CHD1L: variants seen among roughly 807,000 people sequenced by gnomAD.
The protein encoded by CHD1L is ATP-dependent chromatin remodeler CHD1L.
CHD1L carries 118 observed loss-of-function variants against 115.9 expected under a neutral mutation model. That is an observed-to-expected ratio of 1.02 (90% CI 0.88 to 1.19). CHD1L has a LOEUF of 1.19. CHD1L is among the 50% of genes most tolerant of loss of function. CHD1L has a pLI of 0.00. For missense variants in CHD1L, 1,179 were observed against 1,065.3 expected (o/e 1.11, Z -1.49); for synonymous variants, 411 against 387.1 (o/e 1.06, Z -0.72).
At chr1:147,233,821 G>A in the CHD1L span, among the ~76,000 whole-genome samples, 2 of 151,786 alleles carry the variant, frequency 1.3e-5, no homozygotes, top group South Asian at 4.2e-4. Flanking sequence ...TCTGAAACAT[G>A]TGCTGTGTCC....
the CHD1L span, among the ~76,000 whole-genome samples, chr1:147,228,925 G>A: frequency 6.6e-5 from 10 of 152,212 alleles, no homozygotes; most frequent in East Asian, 1.9e-3. Context: ...TGTCAGATGA[G>A]TAGATTGCAA....
upstream of CHD1L, among the ~76,000 whole-genome samples, chr1:147,239,198 C>T (rs1334160882): frequency 2.6e-5 from 4 of 152,166 alleles, no homozygotes; most frequent in African/African-American, 9.7e-5. Flanking sequence ...GACCCCCCCT[C>T]CCCTTTCTAA....
chr1:147,240,636 C>T (rs896756454), upstream of CHD1L, among the ~76,000 whole-genome samples: 4 of 152,068 alleles, frequency 2.6e-5, no homozygotes, highest in South Asian at 2.1e-4. Context: ...GTGTAAAACC[C>T]GATTGTATAT....
chr1:147,213,291 C>G, the CHD1L span: 7 of 1,591,434 alleles, frequency 4.4e-6, no homozygotes, highest in Admixed American at 8.6e-5. Context: ...GGTCTTCCTT[C>G]CTGGTAAGCT....
chr1:147,244,272 A>T (rs1260424548), intron 1 of CHD1L, among the ~76,000 whole-genome samples: 1 of 152,212 alleles, frequency 6.6e-6, no homozygotes, highest in East Asian at 1.9e-4. Flanking sequence ...AGAGGTTGCA[A>T]GTTTGAGTGG....
chr1:147,283,242 T>C (rs186691433), intron 15 of CHD1L, among the ~76,000 whole-genome samples: 69 of 152,304 alleles, frequency 4.5e-4, no homozygotes, highest in Middle Eastern at 3.4e-3. Flanking sequence ...AATTAGCAAA[T>C]GCCAATTAGA....
chr1:147,229,395 T>C, the CHD1L span, among the ~76,000 whole-genome samples: 2 of 152,196 alleles, frequency 1.3e-5, 1 homozygote, highest in East Asian at 3.8e-4. Context: ...AGTACCATGC[T>C]GTTTTGGTTA....
intron 11 of CHD1L, among the ~76,000 whole-genome samples, 178 bp from the exon 12 acceptor site, chr1:147,271,993 G>C (rs890001600): frequency 6.6e-6 from 1 of 152,192 alleles, no homozygotes; most frequent in Non-Finnish European, 1.5e-5. Flanking sequence ...GAGTTATTTT[G>C]TAAAATGATA....
the CHD1L span, among the ~76,000 whole-genome samples, chr1:147,195,683 G>T: frequency 1.3e-5 from 2 of 152,124 alleles, no homozygotes; most frequent in Non-Finnish European, 2.9e-5. Flanking sequence ...ACAATTAGTT[G>T]TATGCCCCTA....
the CHD1L span, among the ~76,000 whole-genome samples, chr1:147,177,563 C>A: frequency 6.6e-6 from 1 of 152,208 alleles, no homozygotes; most frequent in South Asian, 2.1e-4. Flanking sequence ...TCAAGGCTAA[C>A]ATCTCTAGTA....
chr1:147,217,916 A>T, the CHD1L span, among the ~76,000 whole-genome samples: 1 of 152,198 alleles, frequency 6.6e-6, no homozygotes, highest in Non-Finnish European at 1.5e-5. Context: ...GGTTTTCCCC[A>T]CAGCATCCAC....
In CHD1L at chr1:147,242,708, A is replaced by C; in HGVS notation, c.5A>C (p.Glu2Ala). Residue 2 changes from glutamate (E) to alanine (A), a missense_variant, in exon 1 of 23, where the codon GAG becomes GCG. Physicochemically the swap from Glu to Ala is moderately radical, Grantham distance 107. Coordinates refer to ENST00000369258, the MANE Select transcript of CHD1L (RefSeq NM_004284.6). ...GGCGGGGCCTCTACCGGCCCGATGG[A>C]GCGCGCGGGCGCTACTAGCCGCGGG... M[E>A]RAGATSRGGQ... is the part of the protein sequence containing the mutation. The C allele has an allele frequency of 2.4e-6, 3 of 1,258,992 alleles. No homozygotes were observed. The highest frequency in any genetic ancestry group is 3.0e-6 in the Non-Finnish European group (3 of 998,774). The allele number at this position is 1,258,992 out of a possible 1,614,324, so 78.0% of individuals were successfully genotyped here.
intron 1 of CHD1L, among the ~76,000 whole-genome samples, chr1:147,244,153 C>T (rs1665841312): frequency 6.6e-6 from 1 of 152,098 alleles, no homozygotes; most frequent in Non-Finnish European, 1.5e-5. Flanking sequence ...TCTTTAAGAA[C>T]TTGTGTGAGA....
chr1:147,252,535 C>G, intron 1 of CHD1L, 88 bp from the exon 2 acceptor site: 1 of 970,764 alleles, frequency 1.0e-6, no homozygotes, highest in South Asian at 1.5e-5. Flanking sequence ...TGAATTTAGG[C>G]TGTGTTCCTC....
At chr1:147,233,965 G>C in the CHD1L span, among the ~76,000 whole-genome samples, 6 of 152,106 alleles carry the variant, frequency 3.9e-5, no homozygotes, top group East Asian at 5.8e-4. Context: ...TGCGGAAGGC[G>C]GCAGGGCCCT....
chr1:147,276,100 C>T lies in CHD1L; in HGVS notation c.1386-4C>T, dbSNP rs1678333543. ...CACACTACCCTTGTTTGACTTATGT[C>T]CAGGTCTGTTAAAGTTATTCGGCTG... On this transcript the variant is annotated splice_region_variant and splice_polypyrimidine_tract_variant and intron_variant, in intron 13 of 22. Coordinates refer to ENST00000369258, the MANE Select transcript of CHD1L (RefSeq NM_004284.6). The T allele has an allele frequency of 6.2e-7, 1 of 1,613,692 alleles. No individual in the cohort carries two copies. Among genetic ancestry groups the T allele is most frequent in the Non-Finnish European group, 8.5e-7 (1 of 1,179,860 alleles).
the CHD1L span, among the ~76,000 whole-genome samples, chr1:147,200,162 A>G: frequency 1.3e-5 from 2 of 152,168 alleles, no homozygotes; most frequent in African/African-American, 4.8e-5. Flanking sequence ...CTGATAGGAA[A>G]AAGGTTTTGG....
At chr1:147,231,868 C>T in the CHD1L span, among the ~76,000 whole-genome samples, 1 of 152,182 alleles carries the variant, frequency 6.6e-6, no homozygotes, top group African/African-American at 2.4e-5. Flanking sequence ...TCCCTGACCT[C>T]CTGTGCTTCC....
intron 1 of CHD1L, among the ~76,000 whole-genome samples, chr1:147,243,883 A>G (rs1363181822): frequency 6.6e-6 from 1 of 152,262 alleles, no homozygotes; most frequent in Non-Finnish European, 1.5e-5. Flanking sequence ...AAGGTTTGTC[A>G]TTCTAGGAAT....
Sources: allele counts gnomAD v4.1 joint callset (sites outside exome capture counted in the v4.1 genomes callset), GRCh38; gene constraint gnomAD v4.1.1; transcripts MANE v1.5; gene names NCBI Gene and HGNC (gene_info 2026-07-23, HGNC 2026-07-21).